PKIB: variants seen among roughly 807,000 people sequenced by gnomAD.
The protein encoded by PKIB is cAMP-dependent protein kinase inhibitor beta.
In PKIB, 2 loss-of-function variants were observed where a neutral mutation model predicts 4.5. The observed-to-expected ratio is 0.44, with a 90% CI of 0.18 to 1.39. The LOEUF is 1.39. Ranked by LOEUF, PKIB falls within the 40% of genes most tolerant of loss-of-function variation. PKIB has a pLI of 0.27. For missense variants in PKIB, 94 were observed against 92.6 expected (o/e 1.02, Z -0.06); for synonymous variants, 38 against 36.0 (o/e 1.06, Z -0.20).
intron 2 of PKIB, among the ~76,000 whole-genome samples, chr6:122,640,165 G>T (rs973550806): frequency 1.8e-4 from 27 of 152,110 alleles, no homozygotes; most frequent in African/African-American, 6.5e-4. Context: ...TCAATAGATG[G>T]TACTCAATTC....
intron 1 of PKIB, among the ~76,000 whole-genome samples, chr6:122,622,536 C>A (rs1296632589): frequency 6.6e-6 from 1 of 152,290 alleles, no homozygotes; most frequent in Admixed American, 6.5e-5. Context: ...GGGCCCCTGA[C>A]CCCTTGTTAA....
At chr6:122,682,608 T>G (rs1266237778) in intron 3 of PKIB, among the ~76,000 whole-genome samples, 1 of 152,106 alleles carries the variant, frequency 6.6e-6, no homozygotes, top group Non-Finnish European at 1.5e-5. Context: ...TGTGCCATAT[T>G]TTTTAGTATT....
intron 4 of PKIB, among the ~76,000 whole-genome samples, chr6:122,721,996 A>G (rs1779763918): frequency 6.6e-6 from 1 of 152,126 alleles, no homozygotes; most frequent in African/African-American, 2.4e-5. Flanking sequence ...CTTGAAAGGG[A>G]AGTTTGATGT....
At chr6:122,671,305 AT>A (rs1293229337) in intron 2 of PKIB, among the ~76,000 whole-genome samples, 3 of 150,520 alleles carry the variant, frequency 2.0e-5, no homozygotes, top group Non-Finnish European at 4.5e-5. Flanking sequence ...AAAAAAAAAA[AT>A]ACTTATTGAA....
intron 3 of PKIB, among the ~76,000 whole-genome samples, chr6:122,591,310 A>G (rs961473760): frequency 6.6e-6 from 1 of 152,070 alleles, no homozygotes; most frequent in East Asian, 1.9e-4. Flanking sequence ...ACTGGAAGTT[A>G]CTGATTTTCA....
chr6:122,497,127 A>G (rs1304616944), intron 2 of PKIB, among the ~76,000 whole-genome samples: 1 of 152,226 alleles, frequency 6.6e-6, no homozygotes, highest in African/African-American at 2.4e-5. Context: ...CTGCCAAACT[A>G]AGCTTCATAA....
chr6:122,696,528 C>G (rs1300094568), intron 3 of PKIB, among the ~76,000 whole-genome samples: 2 of 152,148 alleles, frequency 1.3e-5, no homozygotes, highest in Non-Finnish European at 2.9e-5. Context: ...TGTTCTTCGA[C>G]CCTAGAAAGG....
At chr6:122,632,426 G>A (rs939918945) in intron 1 of PKIB, among the ~76,000 whole-genome samples, 1 of 152,108 alleles carries the variant, frequency 6.6e-6, no homozygotes, top group Admixed American at 6.6e-5. Context: ...GCTCAAATAT[G>A]TAGACTGCCT....
intron 2 of PKIB, among the ~76,000 whole-genome samples, chr6:122,670,498 T>TTG (rs1554230067): frequency 6.6e-6 from 1 of 151,110 alleles, no homozygotes; most frequent in Non-Finnish European, 1.5e-5. Context: ...ATCACATGTT[T>TTG]TTGTTGTTGT....
At chr6:122,608,152 A>G (rs1009149157), upstream of PKIB, among the ~76,000 whole-genome samples, 1 of 152,216 alleles carries the variant, frequency 6.6e-6, no homozygotes, top group Admixed American at 6.5e-5. Context: ...CCTGACTACA[A>G]CTTATCTCTC....
intron 2 of PKIB, among the ~76,000 whole-genome samples, chr6:122,487,352 A>T (rs1358168803): frequency 6.6e-6 from 1 of 152,022 alleles, no homozygotes; most frequent in Non-Finnish European, 1.5e-5. Context: ...GATTCATCTG[A>T]TATTTCTTTG....
intron 3 of PKIB, among the ~76,000 whole-genome samples, chr6:122,679,406 G>C (rs1000955805): frequency 6.6e-6 from 1 of 152,136 alleles, no homozygotes; most frequent in Non-Finnish European, 1.5e-5. Context: ...CCTGATGTAA[G>C]GGGATGGCTG....
intron 3 of PKIB, among the ~76,000 whole-genome samples, chr6:122,702,328 T>C (rs1261051703): frequency 3.6e-3 from 2 of 560 alleles, no homozygotes; most frequent in Non-Finnish European, 0.029. Context: ...TAAAAAAACT[T>C]TTTTTTTTTT....
At chr6:122,619,916 T>G (rs963842281) in intron 1 of PKIB, among the ~76,000 whole-genome samples, 1 of 152,132 alleles carries the variant, frequency 6.6e-6, no homozygotes, top group Non-Finnish European at 1.5e-5. Context: ...AATAAATTAA[T>G]CTATATTATT....
intron 2 of PKIB, among the ~76,000 whole-genome samples, chr6:122,673,931 A>C (rs752861219): frequency 7.2e-5 from 11 of 152,226 alleles, no homozygotes; most frequent in Non-Finnish European, 1.0e-4. Flanking sequence ...AAGACATAGA[A>C]GGCTCTGGAA....
intron 1 of PKIB, among the ~76,000 whole-genome samples, chr6:122,613,959 C>CAAA (rs67112737): frequency 0.14 from 11,019 of 76,958 alleles, 970 homozygotes; most frequent in Non-Finnish European, 0.16. Context: ...GAGACTCCAT[C>CAAA]AAAAAAAAAA....
At chr6:122,658,337 A>G (rs1223835398) in intron 2 of PKIB, among the ~76,000 whole-genome samples, 1 of 152,194 alleles carries the variant, frequency 6.6e-6, no homozygotes, top group Non-Finnish European at 1.5e-5. Flanking sequence ...GATGAATCAG[A>G]TTTGATTTAC....
At chr6:122,668,888 G>T (rs1393774345) in intron 2 of PKIB, among the ~76,000 whole-genome samples, 1 of 152,104 alleles carries the variant, frequency 6.6e-6, no homozygotes, top group Non-Finnish European at 1.5e-5. Context: ...TTGAGGAGGA[G>T]GATTTGTTTC....
chr6:122,497,188 G>T (rs1776095932), intron 2 of PKIB, among the ~76,000 whole-genome samples: 1 of 152,148 alleles, frequency 6.6e-6, no homozygotes, highest in African/African-American at 2.4e-5. Flanking sequence ...AGGGGAGTTT[G>T]TTACCTCTAG....
Sources: allele counts gnomAD v4.1 joint callset (sites outside exome capture counted in the v4.1 genomes callset), GRCh38; gene constraint gnomAD v4.1.1; transcripts MANE v1.5; gene names NCBI Gene and HGNC (gene_info 2026-07-23, HGNC 2026-07-21).